CYP39A1: variants seen among roughly 807,000 people sequenced by gnomAD.
CYP39A1 encodes the protein 24-hydroxycholesterol 7-alpha-hydroxylase.
CYP39A1 carries 49 observed loss-of-function variants against 58.1 expected under a neutral mutation model. The observed-to-expected ratio is 0.84, with a 90% CI of 0.67 to 1.07. CYP39A1 has a LOEUF of 1.07. Ranked by LOEUF, CYP39A1 falls within the 50% of genes least tolerant of loss-of-function variation. The probability of loss-of-function intolerance (pLI) is 0.00; values close to 1 mark genes in which losing one functional copy is unlikely to be tolerated. For synonymous variants in CYP39A1, 209 were observed against 187.6 expected, an observed-to-expected ratio of 1.11 and a Z score of -0.93; for missense variants, 531 against 539.4, an observed-to-expected ratio of 0.98 and a Z score of 0.16.
chr6:46,582,837 TG>T, intron 10 of CYP39A1, among the ~76,000 whole-genome samples: 1 of 152,154 alleles, frequency 6.6e-6, no homozygotes, highest in South Asian at 2.1e-4. Flanking sequence ...TCATCTGATT[TG>T]TTTTCCATGA....
intron 1 of CYP39A1, among the ~76,000 whole-genome samples, chr6:46,646,747 G>C (rs1312860902): frequency 6.6e-6 from 1 of 151,952 alleles, no homozygotes; most frequent in Non-Finnish European, 1.5e-5. Flanking sequence ...ATAGTGTAGG[G>C]CTATTAAAAT....
chr6:46,613,687 C>G (rs1454134357), intron 7 of CYP39A1, among the ~76,000 whole-genome samples: 3 of 150,108 alleles, frequency 2.0e-5, no homozygotes, highest in African/African-American at 2.4e-5. Flanking sequence ...AAAATTCCAG[C>G]ACATTTTTAT....
intron 6 of CYP39A1, among the ~76,000 whole-genome samples, chr6:46,626,886 A>C (rs1267860807): frequency 6.6e-6 from 1 of 152,156 alleles, no homozygotes; most frequent in African/African-American, 2.4e-5. Context: ...ATGTTGGGGA[A>C]AAAAATAGTG....
rs780366347 is a variant in CYP39A1, at chr6:46,625,526, A to G, written c.841-18T>C. 1.9e-6 allele frequency: 3 copies of G among 1,563,740 alleles called. No individual in the cohort carries two copies. Among genetic ancestry groups the G allele is most frequent in the Admixed American group, 1.7e-5 (1 of 58,910 alleles). ...AATGCAACCTTAAAAAGAAAAACAT[A>G]TATCAAAAATATGAACTTCTTTGAA... On this transcript the variant is annotated intron_variant, in intron 6 of 11. Coordinates refer to ENST00000275016, the MANE Select transcript of CYP39A1 (RefSeq NM_016593.5).
intron 11 of CYP39A1, 56 bp downstream of exon 11, chr6:46,553,711 G>A: frequency 8.6e-7 from 1 of 1,162,584 alleles, no homozygotes; most frequent in Non-Finnish European, 1.3e-6. Flanking sequence ...GGAAGTGGGG[G>A]TGGTTATGTC....
At chr6:46,553,001 T>C (rs904155545) in intron 11 of CYP39A1, among the ~76,000 whole-genome samples, 1 of 150,490 alleles carries the variant, frequency 6.6e-6, no homozygotes, top group Non-Finnish European at 1.5e-5. Flanking sequence ...TGAGCTGAGA[T>C]TGTGCCACTG....
intron 7 of CYP39A1, among the ~76,000 whole-genome samples, chr6:46,620,833 G>A (rs369297174): frequency 2.6e-5 from 4 of 152,114 alleles, no homozygotes; most frequent in Non-Finnish European, 5.9e-5. Flanking sequence ...CTAAATAATG[G>A]AGCAGAGACT....
chr6:46,568,794 T>C (rs1771428807), intron 10 of CYP39A1, among the ~76,000 whole-genome samples: 1 of 152,062 alleles, frequency 6.6e-6, no homozygotes, highest in Non-Finnish European at 1.5e-5. Flanking sequence ...TACTGCAGCT[T>C]TGTAGTAAGT....
chr6:46,618,625 G>A (rs562807813), intron 7 of CYP39A1, among the ~76,000 whole-genome samples: 116 of 152,108 alleles, frequency 7.6e-4, no homozygotes, highest in African/African-American at 2.6e-3. Flanking sequence ...ACGGATTACT[G>A]GGCTTGAAAT....
chr6:46,592,081 T>C (rs139688508), intron 8 of CYP39A1, among the ~76,000 whole-genome samples: 1 of 152,148 alleles, frequency 6.6e-6, no homozygotes, highest in African/African-American at 2.4e-5. Context: ...GGTAGAAGTT[T>C]CAGAGTTTTA....
chr6:46,568,359 G>A (rs1356237978), intron 10 of CYP39A1, among the ~76,000 whole-genome samples: 1 of 151,908 alleles, frequency 6.6e-6, no homozygotes, highest in African/African-American at 2.4e-5. Context: ...TTGCCTTTTT[G>A]TTTTGTTGAT....
In CYP39A1 at chr6:46,600,934, AT is replaced by A. The variant is rs1773458609; in HGVS notation, c.932-4815del. Among the ~76,000 whole-genome samples, 3 of 152,188 alleles carry A rather than the reference AT, an allele frequency of 2.0e-5. No homozygotes were observed. The South Asian group carries it at 6.2e-4, about 32-fold the overall frequency. On this transcript the variant is annotated intron_variant, in intron 7 of 11. Transcript: ENST00000275016. ...GTAGACAAGTTGGACAGAAGTGTGA[AT>A]AACCTGGGGCTGTACTAATTTCAAT... is the stretch of plus-strand genomic sequence containing the variant.
At chr6:46,638,348 A>T (rs1253311414) in intron 3 of CYP39A1, among the ~76,000 whole-genome samples, 1 of 151,986 alleles carries the variant, frequency 6.6e-6, no homozygotes, top group Non-Finnish European at 1.5e-5. Context: ...CAACAATAAC[A>T]ACAACAACAA....
intron 11 of CYP39A1, 74 bp downstream of exon 11, chr6:46,553,693 A>G: frequency 1.0e-6 from 1 of 980,668 alleles, no homozygotes; most frequent in East Asian, 2.5e-5. Flanking sequence ...CTAGTAATCA[A>G]AATTGGGGGA....
intron 10 of CYP39A1, among the ~76,000 whole-genome samples, chr6:46,570,450 A>T (rs182615601): frequency 1.1e-4 from 17 of 151,964 alleles, no homozygotes; most frequent in Admixed American, 9.2e-4. Context: ...CTTTATTCTT[A>T]ATGTAGGTGT....
chr6:46,595,317 A>G (rs1773082870), intron 8 of CYP39A1, among the ~76,000 whole-genome samples: 1 of 152,064 alleles, frequency 6.6e-6, no homozygotes, highest in Non-Finnish European at 1.5e-5. Flanking sequence ...GTACATATCT[A>G]AAGGAAATGA....
chr6:46,570,153 T>A (rs1404150432), intron 10 of CYP39A1, among the ~76,000 whole-genome samples: 1 of 152,124 alleles, frequency 6.6e-6, no homozygotes, highest in Non-Finnish European at 1.5e-5. Flanking sequence ...TAAATGCACA[T>A]AGTAATCTCT....
chr6:46,558,804 T>C (rs539153843), intron 10 of CYP39A1, among the ~76,000 whole-genome samples: 186 of 152,266 alleles, frequency 1.2e-3, no homozygotes, highest in African/African-American at 4.1e-3. Flanking sequence ...GAGACCAGCC[T>C]GACCAACATG....
At chr6:46,648,824 CAAAT>C (rs1420311561) in intron 1 of CYP39A1, among the ~76,000 whole-genome samples, 3 of 149,700 alleles carry the variant, frequency 2.0e-5, no homozygotes, top group African/African-American at 4.9e-5. Flanking sequence ...AAAAAAAAAA[CAAAT>C]AATGTTTCCA....
Sources: allele counts gnomAD v4.1 joint callset (sites outside exome capture counted in the v4.1 genomes callset), GRCh38; gene constraint gnomAD v4.1.1; transcripts MANE v1.5; gene names NCBI Gene and HGNC (gene_info 2026-07-23, HGNC 2026-07-21).